Variants in NRG3 observed in about 807,000 individuals in gnomAD.
The protein encoded by NRG3 is pro-neuregulin-3, membrane-bound isoform.
In NRG3, 31 loss-of-function variants were observed where a neutral mutation model predicts 66.9. That is an observed-to-expected ratio of 0.46 (90% CI 0.35 to 0.63). The LOEUF (loss-of-function observed/expected upper bound fraction) is 0.63. Ranked by LOEUF, NRG3 falls within the 20% of genes least tolerant of loss-of-function variation. The probability of loss-of-function intolerance (pLI) is 0.00; values close to 1 mark genes in which losing one functional copy is unlikely to be tolerated. For missense variants in NRG3, 910 were observed against 878.9 expected (o/e 1.04, Z -0.45); for synonymous variants, 393 against 359.4 (o/e 1.09, Z -1.06).
intron 1 of NRG3, among the ~76,000 whole-genome samples, chr10:82,357,332 G>T (rs2083848088): frequency 6.6e-6 from 1 of 152,130 alleles, no homozygotes; most frequent in Admixed American, 6.6e-5. Context: ...GAGAGACAGG[G>T]GTGAGTTTCC....
At chr10:81,892,427 A>C (rs1476232131) in intron 1 of NRG3, among the ~76,000 whole-genome samples, 1 of 152,014 alleles carries the variant, frequency 6.6e-6, no homozygotes, top group African/African-American at 2.4e-5. Flanking sequence ...ATGATATCTC[A>C]CCCCCTTAAG....
intron 6 of NRG3, among the ~76,000 whole-genome samples, chr10:82,971,497 C>A (rs1228445021): frequency 6.7e-6 from 1 of 148,920 alleles, no homozygotes; most frequent in Admixed American, 6.7e-5. Context: ...AGTACAGTGG[C>A]ACCATCTCGG....
In NRG3 at chr10:82,696,368, A is replaced by C. The variant is rs142336622; in HGVS notation, c.954-42209A>C. Among the ~76,000 whole-genome samples, 767 of 152,302 alleles carry C rather than the reference A, an allele frequency of 5.0e-3. 5 individuals are homozygous for C. The highest frequency in any genetic ancestry group is 0.017 in the Middle Eastern group (5 of 294). On this transcript the variant is annotated intron_variant, in intron 2 of 8. Transcript: ENST00000372141. Reference sequence around the variant, plus strand: ...CTTATAGTATATATTTAAAATGGGCATTCTGACCTTGTAGTTTATAATTAC... The same window carrying C: ...CTTATAGTATATATTTAAAATGGGCCTTCTGACCTTGTAGTTTATAATTAC...
chr10:82,257,823 T>C (rs2077811939), intron 1 of NRG3, among the ~76,000 whole-genome samples: 1 of 152,090 alleles, frequency 6.6e-6, no homozygotes, highest in Admixed American at 6.6e-5. Context: ...CAAAATAAAA[T>C]CACCATATTT....
intron 2 of NRG3, among the ~76,000 whole-genome samples, chr10:82,552,917 G>C (rs2044410956): frequency 6.6e-6 from 1 of 151,996 alleles, no homozygotes; most frequent in African/African-American, 2.4e-5. Flanking sequence ...TTCCCATGGA[G>C]TGATCACTGA....
intron 1 of NRG3, among the ~76,000 whole-genome samples, chr10:82,079,079 T>A (rs1015425270): frequency 9.9e-5 from 15 of 152,232 alleles, no homozygotes; most frequent in Admixed American, 2.6e-4. Flanking sequence ...TTTTATTTTT[T>A]TTTTTGAGAT....
At chr10:81,931,927 T>C (rs989081657) in intron 1 of NRG3, among the ~76,000 whole-genome samples, 17 of 152,182 alleles carry the variant, frequency 1.1e-4, no homozygotes, top group Admixed American at 3.3e-4. Flanking sequence ...GTCTGAACTC[T>C]GGGCAATTCA....
At chr10:82,626,791 C>T (rs890238202) in intron 2 of NRG3, among the ~76,000 whole-genome samples, 5 of 151,952 alleles carry the variant, frequency 3.3e-5, no homozygotes, top group Admixed American at 2.0e-4. Flanking sequence ...AGCAGAGGCC[C>T]GTACAAACCA....
At position 82,423,312 on chromosome 10, in the gene NRG3, T is replaced by C. The variant is rs1440657942; in HGVS notation, c.953+64444T>C. 3.3e-5 allele frequency among the ~76,000 whole-genome samples: 5 copies of C among 151,956 alleles called. No individual in the cohort carries two copies. The East Asian group carries it at 9.6e-4, about 29-fold the overall frequency. On this transcript the variant is annotated intron_variant, in intron 2 of 8. Coordinates refer to ENST00000372141, the MANE Select transcript of NRG3 (RefSeq NM_001010848.4). ...ATACTAGCATGTTAGCTTAAAATGATTTTGTATATATTATCGTTATAATTA... is the reference window on the plus strand; with the variant it reads ...ATACTAGCATGTTAGCTTAAAATGACTTTGTATATATTATCGTTATAATTA...
In NRG3 at chr10:82,967,783, T is replaced by A. The variant is rs577024001; in HGVS notation, c.1285-6005T>A. 1.2e-3 allele frequency among the ~76,000 whole-genome samples: 186 copies of A among 152,330 alleles called. 2 individuals carry two copies. The highest frequency in any genetic ancestry group is 4.3e-3 in the African/African-American group (179 of 41,568). On this transcript the variant is annotated intron_variant, in intron 6 of 8. Coordinates refer to ENST00000372141, the MANE Select transcript of NRG3 (RefSeq NM_001010848.4). The stretch of plus-strand genomic sequence containing the variant: ...TTTTCCCCTTCCACTGGCAGAGACA[T>A]TAGATGATTTTTTTTGTTGCTGTTG...
At chr10:82,948,651 A>G (rs1849246434) in intron 4 of NRG3, among the ~76,000 whole-genome samples, 1 of 152,010 alleles carries the variant, frequency 6.6e-6, no homozygotes, top group Admixed American at 6.5e-5. Flanking sequence ...ATTGATCTCT[A>G]TGTATTTTAC....
intron 2 of NRG3, among the ~76,000 whole-genome samples, chr10:82,720,833 ATATATAT>A (rs1236670414): frequency 1.1e-5 from 1 of 93,714 alleles, no homozygotes; most frequent in Admixed American, 1.1e-4. Flanking sequence ...ATATATATAT[ATATATAT>A]ATCACCCATC....
chr10:82,012,545 G>T (rs762575932), intron 1 of NRG3, among the ~76,000 whole-genome samples: 7 of 152,152 alleles, frequency 4.6e-5, no homozygotes, highest in Non-Finnish European at 1.0e-4. Context: ...TTGTCAGGCA[G>T]CAAATTTTCC....
chr10:81,952,513 C>T (rs891306081), intron 1 of NRG3, among the ~76,000 whole-genome samples: 9 of 152,022 alleles, frequency 5.9e-5, no homozygotes, highest in African/African-American at 9.7e-5. Context: ...AAACAGGCAT[C>T]TCCCTGCTTA....
chr10:82,094,181 G>A (rs1590083524), intron 1 of NRG3, among the ~76,000 whole-genome samples: 1 of 152,114 alleles, frequency 6.6e-6, no homozygotes, highest in Non-Finnish European at 1.5e-5. Flanking sequence ...CATAATAAAA[G>A]CATGAAATTA....
intron 2 of NRG3, among the ~76,000 whole-genome samples, chr10:82,597,213 A>G (rs984440603): frequency 3.3e-5 from 5 of 152,210 alleles, no homozygotes; most frequent in African/African-American, 9.6e-5. Context: ...AGCAGTGAGG[A>G]TGATCTCTAG....
chr10:82,902,284 A>T (rs1844301336), intron 4 of NRG3, among the ~76,000 whole-genome samples: 1 of 152,224 alleles, frequency 6.6e-6, no homozygotes. Context: ...TCATTTAAGC[A>T]GGAAAGTTCT....
intron 1 of NRG3, among the ~76,000 whole-genome samples, chr10:82,065,879 A>T (rs577690733): frequency 6.6e-6 from 1 of 152,186 alleles, no homozygotes; most frequent in Non-Finnish European, 1.5e-5. Flanking sequence ...TTGTGTAGTT[A>T]AAAATTATAA....
chr10:82,070,549 A>C (rs527437115), intron 1 of NRG3, among the ~76,000 whole-genome samples: 1 of 152,320 alleles, frequency 6.6e-6, no homozygotes, highest in African/African-American at 2.4e-5. Flanking sequence ...ATTGTGTCAG[A>C]TGAAGATAAA....
Sources: allele counts gnomAD v4.1 joint callset (sites outside exome capture counted in the v4.1 genomes callset), GRCh38; gene constraint gnomAD v4.1.1; transcripts MANE v1.5; gene names NCBI Gene and HGNC (gene_info 2026-07-23, HGNC 2026-07-21).